SYT9: variants seen among roughly 807,000 people sequenced by gnomAD.
SYT9 encodes synaptotagmin-9.
In SYT9, 22 loss-of-function variants were observed where a neutral mutation model predicts 48.4. The observed-to-expected ratio is 0.45, with a 90% confidence interval of 0.32 to 0.65. The LOEUF (loss-of-function observed/expected upper bound fraction) is 0.65. Ranked by LOEUF, SYT9 falls within the 30% of genes least tolerant of loss-of-function variation. SYT9 has a pLI of 0.03. For missense variants in SYT9, 577 were observed against 622.0 expected, an observed-to-expected ratio of 0.93 and a Z score of 0.77; for synonymous variants, 265 against 245.0, an observed-to-expected ratio of 1.08 and a Z score of -0.76.
intron 1 of SYT9, among the ~76,000 whole-genome samples, chr11:7,285,306 C>T (rs1174247342): frequency 6.6e-6 from 1 of 152,164 alleles, no homozygotes; most frequent in Non-Finnish European, 1.5e-5. Context: ...GAAAGGGAAG[C>T]AAACGTGTCC....
chr11:7,241,515 T>C (rs960262380), intron 1 of SYT9, among the ~76,000 whole-genome samples: 4 of 152,164 alleles, frequency 2.6e-5, no homozygotes, highest in African/African-American at 9.6e-5. Flanking sequence ...CTAATGCACA[T>C]GGATATGAGA....
chr11:7,269,413 C>T (rs1438452432), intron 1 of SYT9, among the ~76,000 whole-genome samples: 2 of 152,134 alleles, frequency 1.3e-5, no homozygotes, highest in Non-Finnish European at 2.9e-5. Flanking sequence ...AAAACAATAA[C>T]AGCAGGTTAG....
intron 1 of SYT9, among the ~76,000 whole-genome samples, chr11:7,297,527 C>T (rs536592825): frequency 1.2e-4 from 19 of 152,220 alleles, no homozygotes; most frequent in Admixed American, 5.2e-4. Context: ...GTCAATGTGT[C>T]TTAGTTGTAT....
chr11:7,412,272 T>G (rs543352468), intron 3 of SYT9, among the ~76,000 whole-genome samples: 15 of 152,356 alleles, frequency 9.8e-5, no homozygotes, highest in African/African-American at 3.4e-4. Context: ...TGTGTCCTTA[T>G]GTTAATATCT....
chr11:7,435,369 C>T (rs775098535), intron 6 of SYT9: 3 of 152,164 alleles, frequency 2.0e-5, no homozygotes, highest in Non-Finnish European at 4.4e-5. Flanking sequence ...ACTACTCAGC[C>T]CAGATGTTCC....
chr11:7,297,079 T>TGA (rs1171324993), intron 1 of SYT9, among the ~76,000 whole-genome samples: 4 of 148,552 alleles, frequency 2.7e-5, no homozygotes, highest in Non-Finnish European at 4.5e-5. Flanking sequence ...TGTGTGTGTG[T>TGA]GTGTGTGAGA....
intron 6 of SYT9, among the ~76,000 whole-genome samples, chr11:7,447,261 T>G (rs1010280381): frequency 6.6e-6 from 1 of 152,168 alleles, no homozygotes; most frequent in Non-Finnish European, 1.5e-5. Context: ...TTCTCCATCT[T>G]TCTCTCTGGC....
intron 3 of SYT9, among the ~76,000 whole-genome samples, chr11:7,389,315 G>A (rs549221574): frequency 6.6e-6 from 1 of 152,222 alleles, no homozygotes; most frequent in African/African-American, 2.4e-5. Context: ...TATCAAAAGT[G>A]TATTAATTTC....
At chr11:7,274,232 C>G (rs1848345261) in intron 1 of SYT9, among the ~76,000 whole-genome samples, 1 of 151,736 alleles carries the variant, frequency 6.6e-6, no homozygotes, top group African/African-American at 2.4e-5. Flanking sequence ...TAAGGCATTT[C>G]AAGCTTAGTT....
In SYT9 at chr11:7,262,920, T is replaced by C. The variant is rs1198010013; in HGVS notation, c.145+10589T>C. 3.3e-5 allele frequency among the ~76,000 whole-genome samples: 5 copies of C among 151,752 alleles called. No homozygotes were observed. In the East Asian group the frequency reaches 9.6e-4, roughly 29 times the overall value. ...GTGAGGGAAGTGAGATCAAGGGTTG[T>C]ATTTATTTATTTATTCGTAAGTTAG... On this transcript the variant is annotated intron_variant, in intron 1 of 6. Transcript: ENST00000318881.
rs1328591415 is a variant in SYT9, at chr11:7,466,845, C to A, written c.*45C>A. The A allele has an allele frequency of 5.0e-6, 8 of 1,605,980 alleles. No homozygotes were observed. The Admixed American group carries it at 8.5e-5, about 17-fold the overall frequency. On this transcript the variant is annotated 3_prime_UTR_variant, in exon 7 of 7. Transcript: ENST00000318881. ...TTGTGCCAAGGACAAAATAGGACAA[C>A]CATCTCACAAAGATCTTAAGTAACT...
rs1847876544 is a variant in SYT9, at chr11:7,252,025, C to T, written c.-162C>T. On this transcript the variant is annotated 5_prime_UTR_variant, in exon 1 of 7. Coordinates refer to ENST00000318881, the MANE Select transcript of SYT9 (RefSeq NM_175733.4). The surrounding 1 kb of genome is among the most constrained non-coding windows in gnomAD (Gnocchi z 6.3). ...GAGCTGCATGCAACCGGTGGGAGGC[C>T]GGGCCGGCTGGGTCTGGGGCTCGGG... The T allele has an allele frequency of 3.8e-6, 3 of 786,022 alleles. No homozygotes were observed. Among genetic ancestry groups the T allele is most frequent in the African/African-American group, 3.6e-5 (2 of 54,944 alleles). 48.7% of individuals were successfully genotyped at this position (786,022 alleles called of 1,614,324 possible).
Position 7,240,119 on chromosome 11 carries a change from T to C in SYT9, c.49+1203T>C, listed in dbSNP as rs954556948. 3.4e-4 allele frequency among the ~76,000 whole-genome samples: 51 copies of C among 151,988 alleles called. 2 individuals are homozygous for C. The highest frequency in any genetic ancestry group is 1.2e-3 in the African/African-American group (48 of 41,364). ...GGTCAGGTAGAAGAGGGGAAGCCAG[T>C]GAAAGACAAAGAAAGAGAGTAGTCC... On this transcript the variant is annotated intron_variant and NMD_transcript_variant, in intron 1 of 8. Coordinates refer to the SYT9 transcript ENST00000524820.
chr11:7,320,831 A>T (rs1345475677), intron 3 of SYT9, among the ~76,000 whole-genome samples: 1 of 152,224 alleles, frequency 6.6e-6, no homozygotes, highest in South Asian at 2.1e-4. Context: ...CAGATCAATA[A>T]TAGTACAATA....
In SYT9 at chr11:7,385,367, T is replaced by TGC. The variant is rs1554917002; in HGVS notation, c.1045-30674_1045-30673insCG. ...GTGTGTGTGTGTGTGTGTGTGTGTG[T>TGC]GTGCGTGTGTGTCCATGCAGCTAAT... On this transcript the variant is annotated intron_variant, in intron 3 of 6. Coordinates refer to ENST00000318881, the MANE Select transcript of SYT9 (RefSeq NM_175733.4). 4.3e-3 allele frequency among the ~76,000 whole-genome samples: 646 copies of TGC among 149,948 alleles called. 62 individuals are homozygous for TGC. The highest frequency in any genetic ancestry group is 0.026 in the East Asian group (129 of 4,972).
At chr11:7,307,435 G>A (rs1331257115) in intron 2 of SYT9, among the ~76,000 whole-genome samples, 2 of 152,160 alleles carry the variant, frequency 1.3e-5, no homozygotes, top group African/African-American at 2.4e-5. Context: ...ACGAGACCCC[G>A]AAATGATATG....
intron 6 of SYT9, among the ~76,000 whole-genome samples, chr11:7,463,782 C>T (rs1035259046): frequency 6.6e-6 from 1 of 152,176 alleles, no homozygotes; most frequent in African/African-American, 2.4e-5. Flanking sequence ...AAGGGCTGCA[C>T]CTTAAGAAGG....
At chr11:7,321,670 A>T (rs574379783) in intron 3 of SYT9, among the ~76,000 whole-genome samples, 1 of 152,196 alleles carries the variant, frequency 6.6e-6, no homozygotes, top group Non-Finnish European at 1.5e-5. Flanking sequence ...GGGGTAACTC[A>T]TAGGCAGTGT....
intron 2 of SYT9, among the ~76,000 whole-genome samples, chr11:7,312,642 T>C (rs1027274015): frequency 6.6e-5 from 10 of 152,218 alleles, no homozygotes; most frequent in Non-Finnish European, 1.2e-4. Context: ...GTTTGGAGTA[T>C]CAGTATCCAG....
Sources: gnomAD v4.1 joint callset for allele counts (sites outside exome capture counted in the v4.1 genomes callset) on GRCh38, gnomAD v4.1.1 for gene constraint, Gnocchi (gnomAD v3.1) non-coding constraint, MANE v1.5 for transcripts, NCBI Gene and HGNC (gene_info 2026-07-23, HGNC 2026-07-21) for gene names.